Variants in SETBP1 observed in about 807,000 individuals in gnomAD.
The protein encoded by SETBP1 is SET-binding protein.
A neutral mutation model predicts 101.0 loss-of-function variants in SETBP1; 9 were observed. The ratio of observed to expected loss-of-function variants is 0.09; its 90% CI spans 0.05 to 0.16. The LOEUF is 0.16. Among genes scored for constraint, SETBP1 ranks in the 10% least tolerant of loss-of-function variants. The pLI, the probability that SETBP1 is intolerant of heterozygous loss-of-function variation, is 1.00. For missense variants in SETBP1, 1,858 were observed against 2,033.8 expected (o/e 0.91, Z 1.66); for synonymous variants, 818 against 788.5 (o/e 1.04, Z -0.63).
chr18:44,774,588 T>A (rs1475885718), intron 2 of SETBP1, among the ~76,000 whole-genome samples: 1 of 152,162 alleles, frequency 6.6e-6, no homozygotes, highest in Non-Finnish European at 1.5e-5. Flanking sequence ...ATGTAGAATG[T>A]GACCTGGCAG....
chr18:44,856,261 G>A (rs549206864), intron 2 of SETBP1, among the ~76,000 whole-genome samples: 5 of 152,182 alleles, frequency 3.3e-5, no homozygotes, highest in Non-Finnish European at 7.3e-5. Context: ...CTTCCCCAAA[G>A]TGCTCAAGCT....
chr18:44,710,564 GCC>G (rs1481811932), intron 2 of SETBP1, among the ~76,000 whole-genome samples: 4 of 145,548 alleles, frequency 2.7e-5, no homozygotes, highest in African/African-American at 1.0e-4. Flanking sequence ...CAATTCTCCT[GCC>G]TCAGCCTCCC....
At chr18:44,890,166 A>G (rs552205461) in intron 3 of SETBP1, among the ~76,000 whole-genome samples, 3 of 152,258 alleles carry the variant, frequency 2.0e-5, no homozygotes, top group South Asian at 4.1e-4. Flanking sequence ...GTTATTAACT[A>G]TAGTCACTAT....
intron 4 of SETBP1, among the ~76,000 whole-genome samples, chr18:44,956,138 G>A (rs141937408): frequency 6.6e-6 from 1 of 152,186 alleles, no homozygotes; most frequent in East Asian, 1.9e-4. Flanking sequence ...TATGCCTGAT[G>A]TTCCTGCATA....
chr18:44,901,239 G>A (rs2070038247), intron 3 of SETBP1, among the ~76,000 whole-genome samples: 1 of 152,196 alleles, frequency 6.6e-6, no homozygotes. Flanking sequence ...CTGCAGTGGT[G>A]TATAGCTCTG....
At chr18:44,985,697 C>T (rs2072216366) in intron 4 of SETBP1, among the ~76,000 whole-genome samples, 1 of 152,086 alleles carries the variant, frequency 6.6e-6, no homozygotes, top group African/African-American at 2.4e-5. Context: ...CTCTGTAATC[C>T]ACCATTTAGT....
At chr18:44,805,282 T>G (rs1267022833) in intron 2 of SETBP1, among the ~76,000 whole-genome samples, 1 of 152,096 alleles carries the variant, frequency 6.6e-6, no homozygotes, top group Non-Finnish European at 1.5e-5. Context: ...TGTTGAAAGG[T>G]GACATTGGGA....
At chr18:44,946,175 T>C (rs2071202310) in intron 3 of SETBP1, among the ~76,000 whole-genome samples, 2 of 152,172 alleles carry the variant, frequency 1.3e-5, no homozygotes, top group Admixed American at 6.5e-5. Context: ...TAAAGCACCA[T>C]TCCCCCCATT....
chr18:44,989,947 G>A (rs900208047), intron 4 of SETBP1, among the ~76,000 whole-genome samples: 2 of 140,754 alleles, frequency 1.4e-5, no homozygotes, highest in South Asian at 2.3e-4. Context: ...CAAAAGCCAG[G>A]AGGAAAAGAT....
chr18:44,732,579 T>C (rs951027988), intron 2 of SETBP1: 1 of 152,244 alleles, frequency 6.6e-6, no homozygotes, highest in African/African-American at 2.4e-5. Flanking sequence ...TCTGTAAACA[T>C]GCCCTATTTA....
Position 44,950,355 on chromosome 18 carries a change from A to C in SETBP1, c.1015A>C (p.Lys339Gln). 6.2e-7 allele frequency: 1 copy of C among 1,614,108 alleles called. No homozygotes were observed. Among genetic ancestry groups the C allele is most frequent in the Non-Finnish European group, 8.5e-7 (1 of 1,180,036 alleles). The change falls in exon 4 of 6, where the codon AAA (lysine) becomes CAA (glutamine). Residue 339 changes from lysine to glutamine, a missense_variant. Physicochemically the swap from Lys to Gln is moderately conservative, Grantham distance 53. Coordinates refer to ENST00000649279, the MANE Select transcript of SETBP1 (RefSeq NM_015559.3). ...GGTGGGCAGCAAGAAAAAGTCCAGT[A>C]AAAAAGATGTGATAAGTCAGACCAT... ...PTVGSKKKSS[K>Q]KDVISQTIPN... is the part of the protein sequence containing the mutation.
intron 2 of SETBP1, among the ~76,000 whole-genome samples, chr18:44,797,867 A>G (rs1297193177): frequency 6.6e-6 from 1 of 151,964 alleles, no homozygotes; most frequent in African/African-American, 2.4e-5. Flanking sequence ...TTAGCAGTCC[A>G]CCTCTCTGAT....
intron 2 of SETBP1, among the ~76,000 whole-genome samples, chr18:44,765,761 A>T (rs1384239975): frequency 6.6e-6 from 1 of 152,224 alleles, no homozygotes; most frequent in Non-Finnish European, 1.5e-5. Context: ...AGGGAGAGCA[A>T]CACACATCCA....
intron 4 of SETBP1, among the ~76,000 whole-genome samples, chr18:45,034,884 G>A (rs1052101459): frequency 1.3e-5 from 2 of 152,106 alleles, no homozygotes; most frequent in Admixed American, 6.6e-5. Context: ...CATCTCAATG[G>A]TCCAGTCCGT....
chr18:44,729,477 G>T (rs931451618), intron 2 of SETBP1, among the ~76,000 whole-genome samples: 8 of 152,220 alleles, frequency 5.3e-5, no homozygotes, highest in African/African-American at 1.9e-4. Flanking sequence ...GGATTTAGTT[G>T]TTGAATGAGA....
At chr18:44,955,773 T>A (rs2071468310) in intron 4 of SETBP1, among the ~76,000 whole-genome samples, 1 of 152,170 alleles carries the variant, frequency 6.6e-6, no homozygotes, top group Non-Finnish European at 1.5e-5. Flanking sequence ...CCAGTGCTCC[T>A]CTATGTCACC....
chr18:44,867,736 G>C (rs750893890), intron 2 of SETBP1, among the ~76,000 whole-genome samples: 5 of 151,974 alleles, frequency 3.3e-5, no homozygotes, highest in African/African-American at 1.2e-4. Flanking sequence ...GATGGGGAAT[G>C]GGGGGGTGGG....
Position 44,940,126 on chromosome 18 carries a change from A to G in SETBP1, c.541-9755A>G, listed in dbSNP as rs148403483. 1.5e-3 allele frequency among the ~76,000 whole-genome samples: 222 copies of G among 152,346 alleles called. 3 individuals are homozygous for G. Among genetic ancestry groups the G allele is most frequent in the African/African-American group, 5.1e-3 (211 of 41,582 alleles). On this transcript the variant is annotated intron_variant, in intron 3 of 5. Coordinates refer to ENST00000649279, the MANE Select transcript of SETBP1 (RefSeq NM_015559.3). ...GACTCTATATCATTTTGAAATGTCC[A>G]TAATTATCTCTGGGAATGCTTTTTA...
intron 3 of SETBP1, among the ~76,000 whole-genome samples, chr18:44,900,257 A>C (rs1167222842): frequency 6.6e-6 from 1 of 152,196 alleles, no homozygotes; most frequent in African/African-American, 2.4e-5. Context: ...GGGCCCCAGC[A>C]ATCTGTGTTT....
Sources: gnomAD v4.1 joint callset for allele counts (sites outside exome capture counted in the v4.1 genomes callset) on GRCh38, gnomAD v4.1.1 for gene constraint, MANE v1.5 for transcripts, NCBI Gene and HGNC (gene_info 2026-07-23, HGNC 2026-07-21) for gene names.